PAX5: variants seen among roughly 807,000 people sequenced by gnomAD.
PAX5 encodes paired box protein Pax-5.
Under a neutral mutation model 43.7 loss-of-function variants are expected in PAX5, and 9 were observed. That is an observed-to-expected ratio of 0.21 (90% CI 0.12 to 0.36). The LOEUF (loss-of-function observed/expected upper bound fraction) is 0.36. Ranked by LOEUF, PAX5 falls within the 10% of genes least tolerant of loss-of-function variation. PAX5 has a pLI of 1.00. For missense variants in PAX5, 383 were observed against 532.7 expected, an observed-to-expected ratio of 0.72 and a Z score of 2.77; for synonymous variants, 228 against 214.3, an observed-to-expected ratio of 1.06 and a Z score of -0.56.
intron 3 of PAX5, among the ~76,000 whole-genome samples, chr9:37,007,084 C>T (rs959011761): frequency 6.6e-6 from 1 of 152,194 alleles, no homozygotes; most frequent in Admixed American, 6.5e-5. Context: ...ATATGTTGTT[C>T]TGATACTAGG....
At chr9:37,006,573 A>G in intron 3 of PAX5, 36 bp from the exon 4 acceptor site, 1 of 1,561,628 alleles carries the variant, frequency 6.4e-7, no homozygotes, top group Non-Finnish European at 8.8e-7. Flanking sequence ...GCTATTTACC[A>G]TCAGGAAGGA....
intron 7 of PAX5, among the ~76,000 whole-genome samples, chr9:36,885,422 A>G (rs1826828789): frequency 6.6e-6 from 1 of 152,178 alleles, no homozygotes. Flanking sequence ...TTCCTTATCT[A>G]TAAAATGGGG....
In PAX5 at chr9:36,890,334, G is replaced by A. The variant is rs1039699684; in HGVS notation, c.911-8229C>T. Among the ~76,000 whole-genome samples, 21 of 152,188 alleles carry A rather than the reference G, an allele frequency of 1.4e-4. 1 individual carries two copies. Among genetic ancestry groups the A allele is most frequent in the African/African-American group, 3.4e-4 (14 of 41,438 alleles). Reference sequence around the variant, plus strand: ...GGTCTGCCAGCCTTGACAGCCCTGGGGCAAGAGGTCCTGCCCAGAGGAGGG... The same window carrying A: ...GGTCTGCCAGCCTTGACAGCCCTGGAGCAAGAGGTCCTGCCCAGAGGAGGG... On this transcript the variant is annotated intron_variant, in intron 7 of 9. Coordinates refer to ENST00000358127, the MANE Select transcript of PAX5 (RefSeq NM_016734.3).
At chr9:36,923,699 G>A (rs1466766384) in intron 6 of PAX5, among the ~76,000 whole-genome samples, 1 of 152,166 alleles carries the variant, frequency 6.6e-6, no homozygotes, top group Non-Finnish European at 1.5e-5. Context: ...CCCAGGAGAG[G>A]AGGTGGGCAG....
At chr9:37,020,838 T>C in intron 1 of PAX5, 37 bp from the exon 2 acceptor site, 1 of 1,608,676 alleles carries the variant, frequency 6.2e-7, no homozygotes, top group Non-Finnish European at 8.5e-7. Context: ...AGGGAAAGGG[T>C]AGTTAGAACC....
At chr9:36,896,395 G>A (rs12551935) in intron 7 of PAX5, among the ~76,000 whole-genome samples, 2 of 151,806 alleles carry the variant, frequency 1.3e-5, no homozygotes, top group African/African-American at 4.8e-5. Flanking sequence ...AAACCAAGCA[G>A]CAAGGAGGCC....
At chr9:37,018,785 C>G (rs1374476450) in intron 2 of PAX5, among the ~76,000 whole-genome samples, 1 of 152,106 alleles carries the variant, frequency 6.6e-6, no homozygotes, top group African/African-American at 2.4e-5. Context: ...GCGTAACTTC[C>G]GAGTGCCACT....
intron 6 of PAX5, among the ~76,000 whole-genome samples, chr9:36,965,753 C>G (rs1300434392): frequency 6.6e-6 from 1 of 152,178 alleles, no homozygotes; most frequent in African/African-American, 2.4e-5. Flanking sequence ...CAGGTGGGAG[C>G]TCTTGGCAGT....
At chr9:36,960,085 A>T (rs545603613) in intron 6 of PAX5, among the ~76,000 whole-genome samples, 79 of 152,326 alleles carry the variant, frequency 5.2e-4, no homozygotes, top group Non-Finnish European at 6.5e-4. Flanking sequence ...GATAAGAGAC[A>T]AGTTGGTGCA....
intron 7 of PAX5, among the ~76,000 whole-genome samples, chr9:36,911,407 C>T (rs751303280): frequency 2.6e-5 from 4 of 152,116 alleles, no homozygotes; most frequent in South Asian, 2.1e-4. Context: ...GTGGTCCTCC[C>T]GCCTTGACCT....
At chr9:36,862,267 C>T (rs1012458828) in intron 8 of PAX5, among the ~76,000 whole-genome samples, 2 of 152,082 alleles carry the variant, frequency 1.3e-5, no homozygotes, top group Non-Finnish European at 2.9e-5. Context: ...GGTGTGGGTG[C>T]GGAGTCCTGT....
chr9:36,979,947 C>T (rs902209151), intron 5 of PAX5, among the ~76,000 whole-genome samples: 1 of 152,160 alleles, frequency 6.6e-6, no homozygotes, highest in Non-Finnish European at 1.5e-5. Context: ...TACTCAGCAG[C>T]CTAACAGAGA....
chr9:37,004,715 A>C (rs1030958156), intron 4 of PAX5, among the ~76,000 whole-genome samples: 2 of 152,258 alleles, frequency 1.3e-5, no homozygotes, highest in Non-Finnish European at 2.9e-5. Flanking sequence ...GGAAGAAAGA[A>C]GATCCCAGGT....
At chr9:36,853,186 A>G (rs1823332422) in intron 8 of PAX5, among the ~76,000 whole-genome samples, 1 of 152,154 alleles carries the variant, frequency 6.6e-6, no homozygotes, top group Non-Finnish European at 1.5e-5. Flanking sequence ...TAAGTACTTC[A>G]GCATGCATAC....
At chr9:37,028,170 G>T (rs1255849966) in intron 1 of PAX5, among the ~76,000 whole-genome samples, 2 of 152,254 alleles carry the variant, frequency 1.3e-5, no homozygotes, top group Non-Finnish European at 2.9e-5. Context: ...TAGGGATCCT[G>T]TACCATCAGG....
intron 7 of PAX5, among the ~76,000 whole-genome samples, chr9:36,888,166 A>G (rs1244042423): frequency 2.0e-5 from 3 of 152,186 alleles, no homozygotes; most frequent in Non-Finnish European, 2.9e-5. Flanking sequence ...ACCCTCAAAC[A>G]CTGCTGGTAG....
chr9:36,925,250 A>G (rs1202927520), intron 6 of PAX5, among the ~76,000 whole-genome samples: 2 of 152,148 alleles, frequency 1.3e-5, no homozygotes, highest in Non-Finnish European at 2.9e-5. Flanking sequence ...CGTGCTGAGG[A>G]CAGCATGTCC....
intron 8 of PAX5, among the ~76,000 whole-genome samples, 159 bp from the exon 9 acceptor site, chr9:36,847,088 T>C (rs1262161097): frequency 1.3e-5 from 2 of 152,178 alleles, no homozygotes; most frequent in Non-Finnish European, 2.9e-5. Flanking sequence ...TCCACATCAT[T>C]ATGGAGTGGG....
intron 5 of PAX5, among the ~76,000 whole-genome samples, chr9:36,983,206 T>C (rs183027381): frequency 1.3e-5 from 2 of 152,292 alleles, no homozygotes; most frequent in East Asian, 1.9e-4. Context: ...AACATATACA[T>C]TGAGGGAAGA....
Sources: allele counts gnomAD v4.1 joint callset (sites outside exome capture counted in the v4.1 genomes callset), GRCh38; gene constraint gnomAD v4.1.1; transcripts MANE v1.5; gene names NCBI Gene and HGNC (gene_info 2026-07-23, HGNC 2026-07-21).